SPAG11B: variants seen among roughly 807,000 people sequenced by gnomAD.
SPAG11B encodes sperm associated antigen 11B.
SPAG11B carries 5 observed loss-of-function variants against 8.9 expected under a neutral mutation model. The ratio of observed to expected loss-of-function variants is 0.56; its 90% CI spans 0.29 to 1.19. SPAG11B has a LOEUF of 1.19. Ranked by LOEUF, SPAG11B falls within the 50% of genes most tolerant of loss-of-function variation. The pLI is 0.08. For missense variants in SPAG11B, 38 were observed against 146.4 expected, an observed-to-expected ratio of 0.26 and a Z score of 3.82; for synonymous variants, 12 against 53.0, an observed-to-expected ratio of 0.23 and a Z score of 3.36.
chr8:7,451,308 AT>A, intron 2 of SPAG11B: 2 of 829,332 alleles, frequency 2.4e-6, no homozygotes, highest in Non-Finnish European at 3.6e-6. Context: ...TTATGGCCCA[AT>A]TTTTAGTTTT....
At chr8:7,448,874 T>C (rs868392931), downstream of SPAG11B, among the ~76,000 whole-genome samples, 62 of 144,006 alleles carry the variant, frequency 4.3e-4, no homozygotes, top group African/African-American at 1.6e-3. Context: ...GGCAACGCCA[T>C]AGGTACTAGT....
rs1247779898 is a variant in SPAG11B at position 7,451,091 on chromosome 8, G to T, written c.215-191C>A. ...TAATTTATATCTGAAATGTTGCCAG[G>T]AGGATGATAGGGTGTGTTTTATGAA... On this transcript the variant is annotated intron_variant, in intron 2 of 2. Transcript: ENST00000398462. The T allele has an allele frequency of 1.3e-6, 2 of 1,522,630 alleles. 1 individual carries two copies. Among genetic ancestry groups the T allele is most frequent in the Non-Finnish European group, 1.8e-6 (2 of 1,118,866 alleles). The allele number at this position is 1,522,630 out of a possible 1,614,324, so 94.3% of individuals were successfully genotyped here. A position where few individuals can be genotyped will look rare whatever the true frequency, so the allele number is the denominator to read the frequency against.
intron 2 of SPAG11B, among the ~76,000 whole-genome samples, chr8:7,458,684 A>G (rs1810593497): frequency 7.5e-6 from 1 of 133,658 alleles, no homozygotes; most frequent in African/African-American, 3.0e-5. Context: ...TAAAAAAAAA[A>G]AAAAAAAATA....
chr8:7,458,544 TG>T (rs1170555142), intron 2 of SPAG11B, among the ~76,000 whole-genome samples: 1 of 47,196 alleles, frequency 2.1e-5, no homozygotes, highest in East Asian at 7.6e-4. Flanking sequence ...TGAGAAACTG[TG>T]GTCAGCAAAA....
chr8:7,448,770 TC>T (rs1384631553), downstream of SPAG11B, among the ~76,000 whole-genome samples: 1 of 132,206 alleles, frequency 7.6e-6, no homozygotes, highest in African/African-American at 3.0e-5. Context: ...TCCCGTCCCT[TC>T]CCTTCCCCTC....
At chr8:7,450,947 G>C in intron 2 of SPAG11B, 47 bp from the exon 3 acceptor site, 4 of 1,540,256 alleles carry the variant, frequency 2.6e-6, no homozygotes, top group Non-Finnish European at 3.5e-6. Context: ...ATATAGTGCA[G>C]AGAATAGAAG....
At chr8:7,453,970 A>C (rs1585507933) in intron 2 of SPAG11B, among the ~76,000 whole-genome samples, 1 of 147,184 alleles carries the variant, frequency 6.8e-6, no homozygotes, top group East Asian at 2.0e-4. Flanking sequence ...AAGTAATTGT[A>C]AAATAGTTAT....
chr8:7,448,302 CAAAAAAAAAAA>C (rs71221492), downstream of SPAG11B, among the ~76,000 whole-genome samples: 47 of 48,856 alleles, frequency 9.6e-4, 1 homozygote, highest in Admixed American at 1.5e-3. Context: ...AACAAGTGGT[CAAAAAAAAAAA>C]AAAAAAAAAA....
intron 2 of SPAG11B, chr8:7,451,249 G>A: frequency 7.5e-7 from 1 of 1,341,718 alleles, no homozygotes; most frequent in East Asian, 2.3e-5. Flanking sequence ...TCCAGAATAG[G>A]ACAGGTCTTG....
downstream of SPAG11B, among the ~76,000 whole-genome samples, chr8:7,448,446 TTCTG>T (rs1290818139): frequency 6.6e-6 from 1 of 152,126 alleles, no homozygotes; most frequent in African/African-American, 2.4e-5. Context: ...GTTTTGGGGA[TTCTG>T]TCTTAGAACC....
rs1406330736 is a variant in SPAG11B, at chr8:7,458,908, C to T, written c.214+3799G>A. On this transcript the variant is annotated intron_variant, in intron 2 of 2. Transcript: ENST00000398462. ...CACATGTACATGGATAAGAATAAAG[C>T]GGTAACCTGGCCGGGCGCGGTGGCT... 1.4e-4 allele frequency among the ~76,000 whole-genome samples: 10 copies of T among 69,826 alleles called. No homozygotes were observed. In the East Asian group the frequency reaches 1.6e-3, roughly 11 times the overall value. The allele number at this position is 69,826 out of a possible 152,430, so 45.8% of individuals were successfully genotyped here.
chr8:7,451,226 A>T, intron 2 of SPAG11B: 1 of 1,492,768 alleles, frequency 6.7e-7, no homozygotes, highest in Non-Finnish European at 9.2e-7. Context: ...GGAGTTTTGG[A>T]AAACAGAAGT....
At chr8:7,450,266 A>G (rs1319145258), downstream of SPAG11B, among the ~76,000 whole-genome samples, 3 of 144,908 alleles carry the variant, frequency 2.1e-5, no homozygotes, top group Admixed American at 7.0e-5. Context: ...TCCTACTGAA[A>G]TGTGACCTGT....
rs371996482 is a variant in SPAG11B at position 7,451,145 on chromosome 8, A to T, written c.215-245T>A. ...TCACCTGGCCCATCTAGGCCCTAAA[A>T]AGTCCACACAGATCCTAAATGAGGG... On this transcript the variant is annotated intron_variant, in intron 2 of 2. Transcript: ENST00000398462. 3.2e-6 allele frequency: 5 copies of T among 1,559,528 alleles called. 1 individual carries two copies. The African/African-American group carries it at 7.3e-5, about 23-fold the overall frequency.
At chr8:7,449,603 T>A (rs1387668820), downstream of SPAG11B, among the ~76,000 whole-genome samples, 1 of 150,184 alleles carries the variant, frequency 6.7e-6, no homozygotes, top group African/African-American at 2.5e-5. Flanking sequence ...TCTGTCTGAT[T>A]GCATTTAGAA....
intron 2 of SPAG11B, among the ~76,000 whole-genome samples, chr8:7,453,218 G>C (rs1294089830): frequency 7.0e-6 from 1 of 143,374 alleles, no homozygotes; most frequent in African/African-American, 2.8e-5. Context: ...AATCTGCAAG[G>C]ACACGATATT....
At position 7,450,901 on chromosome 8, in the gene SPAG11B, C is replaced by T; in HGVS notation, c.215-1G>A. ...TTTCTAATTCCCGGTGGAACATCCC[C>T]TATGGATACAACAGAAGAGAGTTGA... is the stretch of plus-strand genomic sequence containing the variant. On this transcript the variant is annotated splice_acceptor_variant, in intron 2 of 2. Coordinates refer to ENST00000398462, the MANE Select transcript of SPAG11B (RefSeq NM_058201.4). LOFTEE classifies it high-confidence loss of function. 6.4e-7 allele frequency: 1 copy of T among 1,554,342 alleles called. No individual in the cohort carries two copies. The highest frequency in any genetic ancestry group is 8.8e-7 in the Non-Finnish European group (1 of 1,140,858).
At chr8:7,451,019 C>G in intron 2 of SPAG11B, 119 bp from the exon 3 acceptor site, 1 of 1,514,268 alleles carries the variant, frequency 6.6e-7, no homozygotes, top group Non-Finnish European at 8.9e-7. Flanking sequence ...TTTGGACAAG[C>G]CCCAGTTTAA....
Position 7,450,837 on chromosome 8 carries a change from A to G in SPAG11B, c.278T>C (p.Phe93Ser), listed in dbSNP as rs569821814. Residue 93 changes from phenylalanine to serine, a missense_variant, in exon 3 of 3, where the codon TTT becomes TCT. Physicochemically the swap from Phe to Ser is radical, Grantham distance 155 (BLOSUM62 -2). Around this residue, in one of 3 missense-constraint regions of SPAG11B, gnomAD observed 29 missense variants for 28.0 expected, o/e 1.03. Transcript: ENST00000398462. Reference protein sequence around the residue: ...CHMQQGICRLFFCHSGEKKRD... With the variant: ...CHMQQGICRLSFCHSGEKKRD... The stretch of plus-strand genomic sequence containing the variant: ...CTTTTTCTCACCAGAATGGCAGAAA[A>G]AAAGTCTGCAGATCCCTTGCTGCAT... The G allele has an allele frequency of 1.2e-6, 2 of 1,604,080 alleles. No individual in the cohort carries two copies. The highest frequency in any genetic ancestry group is 2.2e-5 in the East Asian group (1 of 44,756).
Sources: allele counts gnomAD v4.1 joint callset (sites outside exome capture counted in the v4.1 genomes callset), GRCh38; gene constraint gnomAD v4.1.1; regional missense constraint gnomAD v4.1.1; transcripts MANE v1.5; gene names NCBI Gene and HGNC (gene_info 2026-07-23, HGNC 2026-07-21).